Variants in SPMAP2L observed in about 807,000 individuals in gnomAD.
The protein encoded by SPMAP2L is sperm microtubule associated protein 2-like.
the SPMAP2L span, among the ~76,000 whole-genome samples, chr4:56,614,632 C>T: frequency 3.3e-5 from 5 of 151,846 alleles, no homozygotes; most frequent in Admixed American, 6.6e-5. Flanking sequence ...CCAGCCTGGG[C>T]GACAGAGCGA....
chr4:56,614,333 C>T, the SPMAP2L span, among the ~76,000 whole-genome samples: 1 of 152,148 alleles, frequency 6.6e-6, no homozygotes, highest in Admixed American at 6.5e-5. Flanking sequence ...ACATAGTACA[C>T]TGTGAGGTGG....
the SPMAP2L span, among the ~76,000 whole-genome samples, chr4:56,565,263 T>C: frequency 2.0e-5 from 3 of 152,230 alleles, no homozygotes; most frequent in Admixed American, 6.5e-5. Context: ...TATGATGGCA[T>C]ATTGAAATTT....
the SPMAP2L span, chr4:56,548,922 T>G: frequency 1.5e-6 from 1 of 683,170 alleles, no homozygotes; most frequent in Non-Finnish European, 2.1e-6. Context: ...CCTTGGGGTT[T>G]TCAAAAAGGA....
chr4:56,605,869 A>G, the SPMAP2L span, among the ~76,000 whole-genome samples: 1 of 152,224 alleles, frequency 6.6e-6, no homozygotes, highest in Admixed American at 6.5e-5. Context: ...AATTATAATA[A>G]AAGATTTAGA....
chr4:56,566,911 G>A, the SPMAP2L span, among the ~76,000 whole-genome samples: 2 of 151,402 alleles, frequency 1.3e-5, no homozygotes, highest in Admixed American at 1.3e-4. Context: ...TGGTGAGGCT[G>A]GTCTCAGACT....
the SPMAP2L span, among the ~76,000 whole-genome samples, chr4:56,544,207 T>G: frequency 6.6e-6 from 1 of 152,158 alleles, no homozygotes; most frequent in Non-Finnish European, 1.5e-5. Flanking sequence ...CAGGCTGGTC[T>G]CGAACTCCTG....
the SPMAP2L span, chr4:56,595,253 A>T: frequency 6.2e-7 from 1 of 1,612,260 alleles, no homozygotes; most frequent in East Asian, 2.2e-5. Flanking sequence ...TTTATTTTGG[A>T]CACGAGACCC....
At chr4:56,619,561 G>A in the SPMAP2L span, among the ~76,000 whole-genome samples, 1 of 152,164 alleles carries the variant, frequency 6.6e-6, no homozygotes, top group Non-Finnish European at 1.5e-5. Flanking sequence ...GTCGCATGAG[G>A]CAGGATTTCC....
At chr4:56,530,675 G>C in the SPMAP2L span, 1 of 1,533,226 alleles carries the variant, frequency 6.5e-7, no homozygotes, top group South Asian at 1.2e-5. Flanking sequence ...CTTCTGGCGC[G>C]AATGGAGAAC....
the SPMAP2L span, among the ~76,000 whole-genome samples, chr4:56,550,632 A>G: frequency 1.3e-5 from 2 of 152,168 alleles, no homozygotes; most frequent in Non-Finnish European, 1.5e-5. Flanking sequence ...TGTGTCCCAT[A>G]AATTTTTATA....
the SPMAP2L span, among the ~76,000 whole-genome samples, chr4:56,592,838 G>T: frequency 6.6e-6 from 1 of 152,156 alleles, no homozygotes; most frequent in South Asian, 2.1e-4. Context: ...GCCCAGACAC[G>T]ACGACTTCGC....
chr4:56,568,019 A>G, the SPMAP2L span, among the ~76,000 whole-genome samples: 1 of 151,492 alleles, frequency 6.6e-6, no homozygotes, highest in African/African-American at 2.4e-5. Flanking sequence ...CTGTTTCCTC[A>G]CCTCTGTGTT....
At chr4:56,610,684 A>T in the SPMAP2L span, among the ~76,000 whole-genome samples, 4 of 152,306 alleles carry the variant, frequency 2.6e-5, no homozygotes, top group Non-Finnish European at 4.4e-5. Context: ...AGTGGGAGAA[A>T]ATCTTCACAA....
the SPMAP2L span, among the ~76,000 whole-genome samples, chr4:56,566,236 T>C: frequency 6.6e-6 from 1 of 152,190 alleles, no homozygotes; most frequent in Admixed American, 6.5e-5. Context: ...TTTGCTCTTG[T>C]TGCCCAGGCT....
the SPMAP2L span, among the ~76,000 whole-genome samples, chr4:56,537,918 C>A: frequency 6.6e-6 from 1 of 152,132 alleles, no homozygotes; most frequent in Non-Finnish European, 1.5e-5. Context: ...TGGTCTTGAT[C>A]TCCTGACCTT....
chr4:56,617,046 C>T, the SPMAP2L span, among the ~76,000 whole-genome samples: 1 of 152,114 alleles, frequency 6.6e-6, no homozygotes, highest in Admixed American at 6.5e-5. Context: ...GTACGGAACC[C>T]TATGTATACA....
chr4:56,563,340 G>A, the SPMAP2L span, among the ~76,000 whole-genome samples: 7 of 150,844 alleles, frequency 4.6e-5, no homozygotes, highest in Non-Finnish European at 8.8e-5. Flanking sequence ...CTGACCTCAT[G>A]GGATCTGCCT....
chr4:56,617,549 A>C, the SPMAP2L span, among the ~76,000 whole-genome samples: 1 of 152,022 alleles, frequency 6.6e-6, no homozygotes, highest in African/African-American at 2.4e-5. Context: ...GAGCATACAG[A>C]TGGGCAGGGT....
At chr4:56,556,841 A>G in the SPMAP2L span, among the ~76,000 whole-genome samples, 1 of 151,246 alleles carries the variant, frequency 6.6e-6, no homozygotes, top group African/African-American at 2.4e-5. Context: ...TGCCACTGCA[A>G]TCCAGCCTGG....
Sources: gnomAD v4.1 joint callset for allele counts (sites outside exome capture counted in the v4.1 genomes callset) on GRCh38, gnomAD v4.1.1 for gene constraint, MANE v1.5 for transcripts, NCBI Gene and HGNC (gene_info 2026-07-23, HGNC 2026-07-21) for gene names.